DHX29: variants seen among roughly 807,000 people sequenced by gnomAD.
DHX29 encodes DExH-box helicase 29, also known as ATP-dependent RNA helicase DHX29.
In DHX29, 79 loss-of-function variants were observed where a neutral mutation model predicts 167.9. The ratio of observed to expected loss-of-function variants is 0.47; its 90% CI spans 0.39 to 0.57. The LOEUF is 0.57. Among genes scored for constraint, DHX29 ranks in the 20% least tolerant of loss-of-function variants. The probability of loss-of-function intolerance (pLI) is 0.00; values close to 1 mark genes in which losing one functional copy is unlikely to be tolerated. For synonymous variants in DHX29, 530 were observed against 546.0 expected, an observed-to-expected ratio of 0.97 and a Z score of 0.41; for missense variants, 1,347 against 1,593.4, an observed-to-expected ratio of 0.85 and a Z score of 2.63.
At chr5:55,261,667 A>G (rs1014316574) in intron 24 of DHX29, among the ~76,000 whole-genome samples, 168 bp from the exon 25 acceptor site, 2 of 152,202 alleles carry the variant, frequency 1.3e-5, no homozygotes, top group African/African-American at 4.8e-5. Flanking sequence ...TATCAATTTT[A>G]TAATAATTAC....
chr5:55,270,382 C>CA (rs757488978), intron 20 of DHX29, 30 bp downstream of exon 20: 17 of 1,575,026 alleles, frequency 1.1e-5, no homozygotes, highest in East Asian at 2.3e-5. Flanking sequence ...GGGCGAAGGA[C>CA]AAAATCCATC....
rs539093133 is a variant in DHX29, at chr5:55,305,866, A to G, written c.187+1521T>C. Among the ~76,000 whole-genome samples the G allele has an allele frequency of 3.9e-5, 6 of 152,342 alleles. No homozygotes were observed. The South Asian group carries it at 8.3e-4, about 21-fold the overall frequency. ...TGAGCTTGGAAGAGAGGCCATCTAC[A>G]AAGGAAAAGATAGAAGTAATGGAAA... On this transcript the variant is annotated intron_variant, in intron 1 of 26. Transcript: ENST00000251636.
intron 6 of DHX29, among the ~76,000 whole-genome samples, chr5:55,291,148 G>A (rs1414831305): frequency 4.6e-5 from 7 of 152,220 alleles, no homozygotes; most frequent in African/African-American, 1.2e-4. Flanking sequence ...TGAGGAAAAC[G>A]GATGTCATAA....
In DHX29 at chr5:55,298,662, G is replaced by A; in HGVS notation, c.190C>T (p.Pro64Ser). The A allele has an allele frequency of 6.8e-7, 1 of 1,464,634 alleles. No individual in the cohort carries two copies. Among genetic ancestry groups the A allele is most frequent in the Non-Finnish European group, 9.5e-7 (1 of 1,047,164 alleles). The allele number at this position is 1,464,634 out of a possible 1,614,324, so 90.7% of individuals were successfully genotyped here. A position where few individuals can be genotyped will look rare whatever the true frequency, so the allele number is the denominator to read the frequency against. Residue 64 changes from proline to serine, a missense_variant and splice_region_variant, in exon 2 of 27, where the codon CCA (proline) becomes TCA (serine). Coordinates refer to ENST00000251636, the MANE Select transcript of DHX29 (RefSeq NM_019030.4). Reference protein sequence around the residue: ...GSREPRVKQGPKIYSFNSTND... With the variant: ...GSREPRVKQGSKIYSFNSTND... Reference sequence around the variant, plus strand: ...GTAGAATTAAAACTATAAATTTTTGGACCTGTAAATACAAATAGACAAGGC... The same window carrying A: ...GTAGAATTAAAACTATAAATTTTTGAACCTGTAAATACAAATAGACAAGGC...
chr5:55,267,659 C>T (rs753831407), intron 22 of DHX29, 27 bp downstream of exon 22: 2 of 1,576,288 alleles, frequency 1.3e-6, no homozygotes, highest in Non-Finnish European at 1.7e-6. Context: ...AATTGGCTTA[C>T]TGATAACAGC....
intron 12 of DHX29, among the ~76,000 whole-genome samples, chr5:55,280,638 A>G (rs1052863578): frequency 6.6e-6 from 1 of 152,156 alleles, no homozygotes; most frequent in African/African-American, 2.4e-5. Context: ...TCTTAGTGAT[A>G]AGAGTGAAAC....
At position 55,274,652 on chromosome 5, in the gene DHX29, A is replaced by G; in HGVS notation, c.2652T>C (p.Tyr884=). ...ATCTTCTATCATTTGATAGAAGATC[A>G]TACAACTGCTGAATATGAGCAAGTC... ...LPGLAHIQQL[Y]DLLSNDRRFY... Residue 884 remains tyrosine, a synonymous_variant, in exon 16 of 27, where the codon TAT becomes TAC. Transcript: ENST00000251636. The G allele has an allele frequency of 6.2e-7, 1 of 1,604,568 alleles. No individual in the cohort carries two copies. Among genetic ancestry groups the G allele is most frequent in the Non-Finnish European group, 8.5e-7 (1 of 1,176,658 alleles).
rs558866890 is a variant in DHX29 at position 55,281,047 on chromosome 5, CAT to C, written c.2109+323_2109+324del. Reference sequence around the variant, plus strand: ...ATATATATGTATACACACACACACACATGCTATATGTATATACACACACACAC... The same window carrying C: ...ATATATATGTATACACACACACACACGCTATATGTATATACACACACACAC... On this transcript the variant is annotated intron_variant, in intron 12 of 26. Transcript: ENST00000251636. 1.4e-4 allele frequency among the ~76,000 whole-genome samples: 21 copies of C among 148,894 alleles called. No homozygotes were observed. In the South Asian group the frequency reaches 2.5e-3, roughly 18 times the overall value.
At position 55,260,409 on chromosome 5, in the gene DHX29, T is replaced by C. The variant is rs567567673; in HGVS notation, c.3961-465A>G. ...ACCATGCCTGGCTAATTTTTTGTAT[T>C]TTCAGTAGAGACAGGGTTTCACCAT... On this transcript the variant is annotated intron_variant, in intron 25 of 26. Transcript: ENST00000251636. Among the ~76,000 whole-genome samples, 460 of 152,232 alleles carry C rather than the reference T, an allele frequency of 3.0e-3. 3 individuals are homozygous for C. Among genetic ancestry groups the C allele is most frequent in the African/African-American group, 0.011 (447 of 41,540 alleles).
At chr5:55,277,518 CA>C (rs1365539824) in intron 12 of DHX29, among the ~76,000 whole-genome samples, 1 of 148,306 alleles carries the variant, frequency 6.7e-6, no homozygotes, top group Non-Finnish European at 1.5e-5. Flanking sequence ...CTAGATTAGC[CA>C]TGACAGCATG....
intron 24 of DHX29, among the ~76,000 whole-genome samples, chr5:55,262,121 T>C (rs1746341324): frequency 6.6e-6 from 1 of 152,162 alleles, no homozygotes; most frequent in Non-Finnish European, 1.5e-5. Context: ...CTTTACCATA[T>C]GTTAAAAAAT....
chr5:55,264,105 G>C (rs2111795093), intron 23 of DHX29, among the ~76,000 whole-genome samples: 1 of 151,570 alleles, frequency 6.6e-6, no homozygotes, highest in South Asian at 2.1e-4. Flanking sequence ...AACCAGCCTG[G>C]CCAACACAGT....
At chr5:55,272,033 G>T in intron 18 of DHX29, 54 bp downstream of exon 18, 1 of 1,041,498 alleles carries the variant, frequency 9.6e-7, no homozygotes, top group Non-Finnish European at 1.4e-6. Context: ...GAATTCAAGA[G>T]CCCCAACCTC....
In DHX29 at chr5:55,303,323, G is replaced by C. The variant is rs562579047; in HGVS notation, c.187+4064C>G. On this transcript the variant is annotated intron_variant, in intron 1 of 26. Transcript: ENST00000251636. The stretch of plus-strand genomic sequence containing the variant: ...TTAATCAGGCAAGGGACCCAAACAG[G>C]GACTCTGGTGGTAAACAGACCCAGT... Among the ~76,000 whole-genome samples, 3 of 152,198 alleles carry C rather than the reference G, an allele frequency of 2.0e-5. No homozygotes were observed. The South Asian group carries it at 6.2e-4, about 32-fold the overall frequency.
chr5:55,276,632 C>T (rs938652855), intron 13 of DHX29, among the ~76,000 whole-genome samples: 1 of 151,988 alleles, frequency 6.6e-6, no homozygotes, highest in Non-Finnish European at 1.5e-5. Flanking sequence ...TATATATACA[C>T]ATATAATGTG....
At chr5:55,259,808 A>ATATGTG in intron 26 of DHX29, 40 bp downstream of exon 26, 9 of 1,170,052 alleles carry the variant, frequency 7.7e-6, no homozygotes, top group Non-Finnish European at 1.0e-5. Context: ...ACACATACAC[A>ATATGTG]TATGTGTATA....
chr5:55,262,349 A>T (rs1362779965), intron 24 of DHX29, among the ~76,000 whole-genome samples: 1 of 152,158 alleles, frequency 6.6e-6, no homozygotes, highest in Non-Finnish European at 1.5e-5. Flanking sequence ...TGAAATACTA[A>T]GGGGATTGAT....
chr5:55,298,379 A>G (rs1748424804), intron 2 of DHX29, among the ~76,000 whole-genome samples: 1 of 152,218 alleles, frequency 6.6e-6, no homozygotes, highest in Admixed American at 6.5e-5. Context: ...CATGCTTAAG[A>G]AGTTTAGATC....
chr5:55,263,096 G>GAA (rs1349200792), intron 23 of DHX29, among the ~76,000 whole-genome samples, 164 bp from the exon 24 acceptor site: 1 of 152,030 alleles, frequency 6.6e-6, no homozygotes, highest in Non-Finnish European at 1.5e-5. Flanking sequence ...AAAGATACTG[G>GAA]AAAGTCAAGA....
Sources: allele counts gnomAD v4.1 joint callset (sites outside exome capture counted in the v4.1 genomes callset), GRCh38; gene constraint gnomAD v4.1.1; transcripts MANE v1.5; gene names NCBI Gene and HGNC (gene_info 2026-07-23, HGNC 2026-07-21).